The following CRACD variants were observed in gnomAD, a reference collection of about 807,000 sequenced individuals.
CRACD encodes the protein capping protein inhibiting regulator of actin dynamics, also known as capping protein-inhibiting regulator of actin dynamics.
CRACD carries 56 observed loss-of-function variants against 106.8 expected under a neutral mutation model. That is an observed-to-expected ratio of 0.52 (90% confidence interval 0.42 to 0.66). CRACD has a LOEUF of 0.66. Among genes scored for constraint, CRACD ranks in the 30% least tolerant of loss-of-function variants. CRACD has a pLI of 0.00. For missense variants in CRACD, 1,730 were observed against 1,623.2 expected (o/e 1.07, Z -1.13); for synonymous variants, 754 against 670.8 (o/e 1.12, Z -1.92).
intron 2 of CRACD, among the ~76,000 whole-genome samples, chr4:56,244,440 C>T (rs768394826): frequency 5.9e-5 from 9 of 152,128 alleles, no homozygotes; most frequent in East Asian, 1.9e-4. Context: ...TTTAGACATA[C>T]GGAGGTACCT....
intron 1 of CRACD, among the ~76,000 whole-genome samples, chr4:56,093,437 A>G (rs1485696680): frequency 1.3e-5 from 2 of 152,192 alleles, no homozygotes; most frequent in African/African-American, 4.8e-5. Flanking sequence ...GGTCTTTATT[A>G]GATGATGAAT....
intron 1 of CRACD, among the ~76,000 whole-genome samples, chr4:56,146,321 C>T (rs1220314338): frequency 6.6e-6 from 1 of 151,794 alleles, no homozygotes; most frequent in Non-Finnish European, 1.5e-5. Context: ...GTCTTTTTAA[C>T]TTTTCTTTCT....
chr4:56,071,624 G>A (rs943467575), intron 1 of CRACD, among the ~76,000 whole-genome samples: 1 of 151,382 alleles, frequency 6.6e-6, no homozygotes. Context: ...ATTCTCCTGC[G>A]TCAGCCTCCT....
At chr4:56,310,894 G>A in intron 6 of CRACD, 160 bp downstream of exon 6, 3 of 586,472 alleles carry the variant, frequency 5.1e-6, no homozygotes, top group Non-Finnish European at 9.1e-6. Context: ...GACAGATGTT[G>A]GAGCATCTGT....
rs978173131 is a variant in CRACD at position 56,121,151 on chromosome 4, T to G, written c.-335-58133T>G. Among the ~76,000 whole-genome samples, 4 of 152,358 alleles carry G rather than the reference T, an allele frequency of 2.6e-5. No individual in the cohort carries two copies. In the South Asian group the frequency reaches 8.3e-4, roughly 32 times the overall value. Reference sequence around the variant, plus strand: ...CATTTAATATCAGTACTAATCATTATTGTCTTGATATTTTAGTTTTAGTTT... The same window carrying G: ...CATTTAATATCAGTACTAATCATTAGTGTCTTGATATTTTAGTTTTAGTTT... On this transcript the variant is annotated intron_variant, in intron 1 of 10. Transcript: ENST00000682029.
At chr4:56,204,755 C>T (rs1269586309) in intron 2 of CRACD, among the ~76,000 whole-genome samples, 1 of 152,148 alleles carries the variant, frequency 6.6e-6, no homozygotes, top group Non-Finnish European at 1.5e-5. Context: ...TTTGCAGTTC[C>T]TGGCTAGCTT....
intron 1 of CRACD, among the ~76,000 whole-genome samples, chr4:56,153,499 A>C (rs1416578188): frequency 6.6e-6 from 1 of 151,534 alleles, no homozygotes; most frequent in African/African-American, 2.4e-5. Context: ...CTTCTCTCCA[A>C]ATCCTCTTGG....
intron 1 of CRACD, among the ~76,000 whole-genome samples, chr4:56,120,478 T>G (rs1365043530): frequency 6.6e-6 from 1 of 152,210 alleles, no homozygotes; most frequent in Non-Finnish European, 1.5e-5. Context: ...TCTAAGAAAT[T>G]ACCAAATAGT....
chr4:56,284,930 A>T, intron 3 of CRACD, among the ~76,000 whole-genome samples: 1 of 152,188 alleles, frequency 6.6e-6, no homozygotes, highest in South Asian at 2.1e-4. Flanking sequence ...ATCTCAAAAG[A>T]TGGTGTATTA....
intron 3 of CRACD, among the ~76,000 whole-genome samples, chr4:56,285,113 G>C (rs1046708458): frequency 5.9e-5 from 9 of 152,196 alleles, no homozygotes; most frequent in African/African-American, 2.2e-4. Flanking sequence ...TGGAGCAGGA[G>C]AGACAAAGAA....
intron 1 of CRACD, among the ~76,000 whole-genome samples, chr4:56,150,939 A>G (rs1735556742): frequency 6.6e-6 from 1 of 152,192 alleles, no homozygotes; most frequent in African/African-American, 2.4e-5. Context: ...CAGTTGTCTA[A>G]AATGGCTCTT....
At chr4:56,287,576 C>A (rs558612340) in intron 3 of CRACD, among the ~76,000 whole-genome samples, 4 of 152,012 alleles carry the variant, frequency 2.6e-5, no homozygotes, top group Admixed American at 2.6e-4. Flanking sequence ...CCACTGTGCC[C>A]GGCGAACCTG....
intron 2 of CRACD, among the ~76,000 whole-genome samples, chr4:56,226,069 G>A (rs144126346): frequency 9.8e-4 from 150 of 152,310 alleles, no homozygotes; most frequent in Non-Finnish European, 1.7e-3. Context: ...GAGCAAAATA[G>A]CAAAAGTGAA....
chr4:56,075,774 T>C (rs1308658915), intron 1 of CRACD, among the ~76,000 whole-genome samples: 1 of 152,214 alleles, frequency 6.6e-6, no homozygotes, highest in Admixed American at 6.5e-5. Flanking sequence ...CCTTAGCGTG[T>C]TTTCAAGGGT....
chr4:56,100,968 G>A (rs1469086605), intron 1 of CRACD, among the ~76,000 whole-genome samples: 1 of 152,210 alleles, frequency 6.6e-6, no homozygotes, highest in Non-Finnish European at 1.5e-5. Context: ...TGGATTAAAT[G>A]TGATCTCTGT....
At chr4:56,140,369 A>G (rs1440201266) in intron 1 of CRACD, among the ~76,000 whole-genome samples, 1 of 152,188 alleles carries the variant, frequency 6.6e-6, no homozygotes, top group Non-Finnish European at 1.5e-5. Flanking sequence ...GTTATTAACA[A>G]GCTCTTTTTC....
At chr4:56,235,161 G>A (rs1030710961) in intron 2 of CRACD, among the ~76,000 whole-genome samples, 6 of 152,074 alleles carry the variant, frequency 3.9e-5, no homozygotes, top group Non-Finnish European at 8.8e-5. Context: ...GTGGGAGTAG[G>A]GGAAAAAATT....
Position 56,324,207 on chromosome 4 carries a change from C to A in CRACD, c.3482C>A (p.Ser1161Tyr), listed in dbSNP as rs749267106. Residue 1161 changes from serine to tyrosine, a missense_variant, in exon 10 of 11, where the codon TCC becomes TAC. Ser to Tyr is a moderately radical substitution (Grantham distance 144). This residue lies in a region of CRACD where 89 missense variants were observed against 89.6 expected (regional missense o/e 0.99). Coordinates refer to ENST00000682029, the MANE Select transcript of CRACD (RefSeq NM_001393381.1). Reference protein sequence around the residue: ...PEEKRPETAVSRLERREQLKK... With the variant: ...PEEKRPETAVYRLERREQLKK... ...GAGAAGAGGCCCGAGACTGCAGTGT[C>A]CAGGCTTGAGCGCAGAGAACAGCTG... 1 of 1,614,238 alleles carries A rather than the reference C, an allele frequency of 6.2e-7. No homozygotes were observed. The highest frequency in any genetic ancestry group is 1.3e-5 in the African/African-American group (1 of 75,076).
chr4:56,134,069 T>C (rs1042141613), intron 1 of CRACD, among the ~76,000 whole-genome samples: 1 of 151,874 alleles, frequency 6.6e-6, no homozygotes, highest in Non-Finnish European at 1.5e-5. Flanking sequence ...GACGTGGTTG[T>C]GCACACCTGT....
Sources: gnomAD v4.1 joint callset for allele counts (sites outside exome capture counted in the v4.1 genomes callset) on GRCh38, gnomAD v4.1.1 for gene constraint, gnomAD v4.1.1 regional missense constraint, MANE v1.5 for transcripts, NCBI Gene and HGNC (gene_info 2026-07-23, HGNC 2026-07-21) for gene names.